Variants in TMEM132E observed in about 807,000 individuals in gnomAD.
The protein encoded by TMEM132E is transmembrane protein 132E.
A neutral mutation model predicts 78.5 loss-of-function variants in TMEM132E; 49 were observed. The ratio of observed to expected loss-of-function variants is 0.62; its 90% CI spans 0.50 to 0.79. The LOEUF (loss-of-function observed/expected upper bound fraction) is 0.79, where lower values mean the gene tolerates loss of function less well. TMEM132E is among the 30% of genes least tolerant of loss of function. TMEM132E has a pLI of 0.00. For missense variants in TMEM132E, 1,403 were observed against 1,470.9 expected (o/e 0.95, Z 0.75); for synonymous variants, 715 against 670.6 (o/e 1.07, Z -1.02).
At chr17:34,627,467 C>CGTGTGTGTGTGTGTGTGTGT (rs145658598) in intron 2 of TMEM132E, among the ~76,000 whole-genome samples, 7,170 of 126,364 alleles carry the variant, frequency 0.057, 434 homozygotes, top group Non-Finnish European at 0.068. Flanking sequence ...CCAAAAGAAT[C>CGTGTGTGTGTGTGTGTGTGT]GTGTGTGTGT....
At chr17:34,613,225 G>GCGCA (rs1413683784) in intron 1 of TMEM132E, among the ~76,000 whole-genome samples, 3 of 150,098 alleles carry the variant, frequency 2.0e-5, no homozygotes, top group African/African-American at 4.9e-5. Flanking sequence ...GCGCGCGCGC[G>GCGCA]CGTTCTTACA....
chr17:34,636,926 C>T (rs1309458736), intron 8 of TMEM132E, among the ~76,000 whole-genome samples: 3 of 152,156 alleles, frequency 2.0e-5, no homozygotes, highest in East Asian at 3.9e-4. Flanking sequence ...TGGACAAGGG[C>T]ATCCTCAGAG....
At chr17:34,600,956 T>A (rs186962137) in intron 1 of TMEM132E, among the ~76,000 whole-genome samples, 3 of 152,252 alleles carry the variant, frequency 2.0e-5, no homozygotes, top group Admixed American at 6.5e-5. Flanking sequence ...TCTCTCTCCA[T>A]GTTTGCTCTG....
At chr17:34,615,322 G>C (rs1006689499) in intron 1 of TMEM132E, among the ~76,000 whole-genome samples, 2 of 152,000 alleles carry the variant, frequency 1.3e-5, no homozygotes, top group African/African-American at 4.8e-5. Flanking sequence ...CTGTAGTTTA[G>C]TACCCCCCTC....
At chr17:34,616,473 G>A (rs1333814289) in intron 1 of TMEM132E, among the ~76,000 whole-genome samples, 1 of 152,210 alleles carries the variant, frequency 6.6e-6, no homozygotes, top group East Asian at 1.9e-4. Context: ...CAGTGATTAT[G>A]TATTCCCCGG....
chr17:34,636,093 C>G lies in TMEM132E; in HGVS notation c.2064C>G (p.Ala688=), dbSNP rs71379492. ...EEKVSITQLQ[A]QVVASLALSL... is the part of the protein sequence containing the mutation. ...AGGTCAGCATCACACAGCTTCAGGC[C>G]CAGGTGGTGGCCAGCCTGGCCCTCT... Residue 688 remains alanine, a synonymous_variant, in exon 8 of 9, where the codon GCC becomes GCG. Coordinates refer to ENST00000631683, the MANE Select transcript of TMEM132E (RefSeq NM_001304438.2). The G allele has an allele frequency of 8.8e-6, 14 of 1,594,156 alleles. No homozygotes were observed. In the East Asian group the frequency reaches 2.8e-4, roughly 32 times the overall value.
At chr17:34,610,901 T>A (rs748624786) in intron 1 of TMEM132E, among the ~76,000 whole-genome samples, 4 of 152,212 alleles carry the variant, frequency 2.6e-5, no homozygotes, top group African/African-American at 9.6e-5. Context: ...ATATGGATGT[T>A]CTCAGAACTG....
chr17:34,613,062 G>T (rs755943764), intron 1 of TMEM132E, among the ~76,000 whole-genome samples: 6 of 151,568 alleles, frequency 4.0e-5, no homozygotes, highest in Non-Finnish European at 5.9e-5. Context: ...GGAGGGGTGA[G>T]GTGGTTCCCC....
chr17:34,632,008 A>G (rs1420489300), intron 5 of TMEM132E, among the ~76,000 whole-genome samples: 1 of 152,138 alleles, frequency 6.6e-6, no homozygotes, highest in East Asian at 1.9e-4. Flanking sequence ...CATCCAGGGA[A>G]CCTCTAGGAA....
In TMEM132E at chr17:34,579,951, CCGGGGACAGGGTGGGGGCGG is replaced by C. The variant is rs570251681; in HGVS notation, c.-1119_-1100del. 6.6e-6 allele frequency: 1 copy of C among 152,364 alleles called. No homozygotes were observed. The highest frequency in any genetic ancestry group is 1.9e-4 in the East Asian group (1 of 5,140). The allele number at this position is 152,364 out of a possible 1,614,324, so 9.4% of individuals were successfully genotyped here. On this transcript the variant is annotated 5_prime_UTR_variant, in exon 1 of 9. It removes the in-frame stop codon of an upstream open reading frame in the 5' UTR. Coordinates refer to ENST00000631683, the MANE Select transcript of TMEM132E (RefSeq NM_001304438.2). ...ATCGAGACAGCGGGCGAACGGGCGT[CCGGGGACAGGGTGGGGGCGG>C]CGGGGAGGAGGCGTCGGAGACTCTG...
At chr17:34,615,552 T>TGTGTGTGTGTGTGTGTGTG (rs57984755) in intron 1 of TMEM132E, among the ~76,000 whole-genome samples, 1 of 149,082 alleles carries the variant, frequency 6.7e-6, no homozygotes, top group African/African-American at 2.5e-5. Context: ...TGTGTGTGTG[T>TGTGTGTGTGTGTGTGTGTG]TAGCACAACC....
Position 34,625,975 on chromosome 17 carries a change from C to A in TMEM132E, c.68-152C>A, listed in dbSNP as rs1359706014. On this transcript the variant is annotated intron_variant, in intron 1 of 8. Transcript: ENST00000631683. ...AGCCAGGCCTGAGCCAGGGTTGGGGCCCACCGGAGGATGGACAGCCAGGCT... is the reference window on the plus strand; with the variant it reads ...AGCCAGGCCTGAGCCAGGGTTGGGGACCACCGGAGGATGGACAGCCAGGCT... The A allele has an allele frequency of 8.4e-6, 6 of 712,694 alleles. No individual in the cohort carries two copies. In the East Asian group the frequency reaches 1.7e-4, roughly 21 times the overall value. 44.1% of individuals were successfully genotyped at this position (712,694 alleles called of 1,614,324 possible).
chr17:34,591,208 G>A (rs1905857173), intron 1 of TMEM132E, among the ~76,000 whole-genome samples: 1 of 152,164 alleles, frequency 6.6e-6, no homozygotes, highest in Non-Finnish European at 1.5e-5. Flanking sequence ...AGCCAGTTCT[G>A]ACCCCTTGGT....
chr17:34,605,995 A>G (rs1906401235), intron 1 of TMEM132E, among the ~76,000 whole-genome samples: 1 of 152,206 alleles, frequency 6.6e-6, no homozygotes, highest in African/African-American at 2.4e-5. Flanking sequence ...GATTCCACCT[A>G]CAACAAAGCC....
chr17:34,627,467 C>CGTGTGAGTGTGTGTGTGTGTGTGTGT (rs146318983), intron 2 of TMEM132E, among the ~76,000 whole-genome samples: 1 of 126,470 alleles, frequency 7.9e-6, no homozygotes. Context: ...CCAAAAGAAT[C>CGTGTGAGTGTGTGTGTGTGTGTGTGT]GTGTGTGTGT....
intron 1 of TMEM132E, among the ~76,000 whole-genome samples, chr17:34,611,084 G>A (rs1906576005): frequency 6.6e-6 from 1 of 152,260 alleles, no homozygotes; most frequent in Non-Finnish European, 1.5e-5. Context: ...ATGTGAAACT[G>A]CTGCCTGGAA....
At chr17:34,612,251 T>TA (rs1906614484) in intron 1 of TMEM132E, among the ~76,000 whole-genome samples, 1 of 152,186 alleles carries the variant, frequency 6.6e-6, no homozygotes, top group South Asian at 2.1e-4. Flanking sequence ...AGACAGCATG[T>TA]AACTGAGTCA....
chr17:34,636,000 G>A lies in TMEM132E; in HGVS notation c.1978-7G>A, dbSNP rs1384911167. On this transcript the variant is annotated splice_region_variant and splice_polypyrimidine_tract_variant and intron_variant, in intron 7 of 8. Coordinates refer to ENST00000631683, the MANE Select transcript of TMEM132E (RefSeq NM_001304438.2). ...TTCTCTCCCACCCCGGTCCCGCTCT[G>A]CCTCAGGTGGTGTCTCCGCTGACGG... 2.1e-6 allele frequency: 3 copies of A among 1,451,848 alleles called. No homozygotes were observed. The highest frequency in any genetic ancestry group is 2.9e-5 in the African/African-American group (2 of 68,356). 89.9% of individuals were successfully genotyped at this position (1,451,848 alleles called of 1,614,324 possible).
At chr17:34,632,597 C>A in intron 5 of TMEM132E, 107 bp from the exon 6 acceptor site, 1 of 1,187,450 alleles carries the variant, frequency 8.4e-7, no homozygotes, top group Non-Finnish European at 1.2e-6. Flanking sequence ...CCCCTTCAGC[C>A]TCCTAGGACT....
Sources: allele counts gnomAD v4.1 joint callset (sites outside exome capture counted in the v4.1 genomes callset), GRCh38; gene constraint gnomAD v4.1.1; transcripts MANE v1.5; gene names NCBI Gene and HGNC (gene_info 2026-07-23, HGNC 2026-07-21).